Variants in STAB2 observed in about 807,000 individuals in gnomAD.
STAB2 encodes the protein stabilin 2.
A neutral mutation model predicts 338.1 loss-of-function variants in STAB2; 288 were observed. The observed-to-expected ratio is 0.85, with a 90% confidence interval of 0.77 to 0.94. STAB2 has a LOEUF of 0.94. STAB2 is among the 40% of genes least tolerant of loss of function. The pLI, the probability that STAB2 is intolerant of heterozygous loss-of-function variation, is 0.00. For missense variants in STAB2, 3,141 were observed against 3,210.1 expected (o/e 0.98, Z 0.52); for synonymous variants, 1,202 against 1,193.3 (o/e 1.01, Z -0.15).
intron 40 of STAB2, among the ~76,000 whole-genome samples, chr12:103,711,826 G>T (rs1158089259): frequency 1.3e-5 from 2 of 152,162 alleles, no homozygotes. Flanking sequence ...CATAAACCTT[G>T]TTCCTGACTC....
At chr12:103,657,330 T>C (rs111577087) in intron 15 of STAB2, among the ~76,000 whole-genome samples, 2,048 of 152,066 alleles carry the variant, frequency 0.013, 45 homozygotes, top group African/African-American at 0.047. Flanking sequence ...TTGATGCACA[T>C]TTTAATAATA....
chr12:103,676,150 C>T, intron 24 of STAB2, 129 bp downstream of exon 24: 1 of 568,886 alleles, frequency 1.8e-6, no homozygotes, highest in African/African-American at 2.0e-5. Flanking sequence ...CAACATCCGC[C>T]TCCCGGATTC....
At chr12:103,618,675 C>T (rs771154936) in intron 3 of STAB2, among the ~76,000 whole-genome samples, 1 of 152,202 alleles carries the variant, frequency 6.6e-6, no homozygotes. Flanking sequence ...CCCTTGCCAG[C>T]TGGGTGACTT....
intron 14 of STAB2, 26 bp from the exon 15 acceptor site, chr12:103,655,430 T>C: frequency 6.2e-7 from 1 of 1,613,080 alleles, no homozygotes; most frequent in Non-Finnish European, 8.5e-7. Context: ...AGGCTGCAGA[T>C]ACAAAATTTC....
At position 103,745,170 on chromosome 12, in the gene STAB2, C is replaced by T. The variant is rs1397704713; in HGVS notation, c.6032-3C>T. On this transcript the variant is annotated splice_polypyrimidine_tract_variant and splice_region_variant and intron_variant, in intron 56 of 68. Transcript: ENST00000388887. Reference sequence around the variant, plus strand: ...GACTGACCATATCCTAATTTGTTTACAGCCTGTGGCTGCTCAGACCACGGA... The same window carrying T: ...GACTGACCATATCCTAATTTGTTTATAGCCTGTGGCTGCTCAGACCACGGA... 1.9e-6 allele frequency: 3 copies of T among 1,610,856 alleles called. No individual in the cohort carries two copies. Among genetic ancestry groups the T allele is most frequent in the South Asian group, 2.2e-5 (2 of 90,600 alleles).
intron 27 of STAB2, 53 bp downstream of exon 27, chr12:103,685,137 C>T (rs1877281044): frequency 1.3e-6 from 2 of 1,535,082 alleles, no homozygotes; most frequent in African/African-American, 1.4e-5. Flanking sequence ...TTAAAAACCT[C>T]TTAGCTAAGA....
rs1593206107 is a variant in STAB2 at position 103,668,865 on chromosome 12, G to A, written c.2172+136G>A. ...TTGTCTTCCTGCAGAGGAATCAAAG[G>A]TAGATTCTTCATATGGTGGCCAGAC... On this transcript the variant is annotated intron_variant, in intron 20 of 68. Transcript: ENST00000388887. The A allele has an allele frequency of 1.1e-5, 8 of 722,746 alleles. No homozygotes were observed. In the South Asian group the frequency reaches 1.2e-4, roughly 10 times the overall value. 44.8% of individuals were successfully genotyped at this position (722,746 alleles called of 1,614,324 possible).
At chr12:103,666,418 C>T (rs1875108887) in intron 19 of STAB2, 65 bp downstream of exon 19, 2 of 1,511,662 alleles carry the variant, frequency 1.3e-6, no homozygotes, top group Admixed American at 1.7e-5. Flanking sequence ...GGTTTCTCAA[C>T]CTATCTACCT....
At position 103,591,051 on chromosome 12, in the gene STAB2, G is replaced by A. The variant is rs527952882; in HGVS notation, c.215+21G>A. On this transcript the variant is annotated intron_variant, in intron 2 of 68. Coordinates refer to ENST00000388887, the MANE Select transcript of STAB2 (RefSeq NM_017564.10). ...TGCAGGTACTCATGAGAAAATAAACGTGATGGAACTATGAATCCAACTTGA... is the reference window on the plus strand; with the variant it reads ...TGCAGGTACTCATGAGAAAATAAACATGATGGAACTATGAATCCAACTTGA... The A allele has an allele frequency of 6.4e-5, 103 of 1,611,842 alleles. No homozygotes were observed. The Admixed American group carries it at 1.5e-3, about 23-fold the overall frequency.
At chr12:103,610,680 TA>T (rs2138596336) in intron 3 of STAB2, among the ~76,000 whole-genome samples, 3 of 152,340 alleles carry the variant, frequency 2.0e-5, no homozygotes, top group African/African-American at 7.2e-5. Flanking sequence ...TTTATGTCTC[TA>T]TCTCCCTCAG....
intron 26 of STAB2, among the ~76,000 whole-genome samples, 167 bp from the exon 27 acceptor site, chr12:103,684,822 G>T (rs1877246888): frequency 6.6e-6 from 1 of 152,206 alleles, no homozygotes; most frequent in Admixed American, 6.5e-5. Flanking sequence ...CAAACATGCA[G>T]ACAGGAGACT....
Position 103,711,507 on chromosome 12 carries a change from C to G in STAB2, c.4325C>G (p.Thr1442Ser). The G allele has an allele frequency of 6.2e-7, 1 of 1,614,124 alleles. No homozygotes were observed. The highest frequency in any genetic ancestry group is 8.5e-7 in the Non-Finnish European group (1 of 1,180,022). ...TEDNCNGTCH[T>S]SANCLTNSDG... is the part of the protein sequence containing the mutation. ...GACAACTGCAATGGGACATGCCATA[C>G]CAGCGCCAAGTAGGTAGCCCTGGGC... Residue 1442 changes from threonine (T) to serine (S), a missense_variant, in exon 40 of 69, where the codon ACC (threonine) becomes AGC (serine). Physicochemically the swap from Thr to Ser is moderately conservative, Grantham distance 58 (BLOSUM62 1). Coordinates refer to ENST00000388887, the MANE Select transcript of STAB2 (RefSeq NM_017564.10).
intron 3 of STAB2, among the ~76,000 whole-genome samples, chr12:103,608,188 G>C (rs1384020164): frequency 1.3e-5 from 2 of 152,208 alleles, no homozygotes; most frequent in Admixed American, 1.3e-4. Context: ...GCCCAGGCTG[G>C]AGTGCAGTGG....
At chr12:103,756,248 C>T (rs35585068) in intron 63 of STAB2, among the ~76,000 whole-genome samples, 31,048 of 152,094 alleles carry the variant, frequency 0.2, 3,531 homozygotes, top group Non-Finnish European at 0.25. Flanking sequence ...TCATATCCAG[C>T]GAAGAGAAAG....
At chr12:103,734,864 C>T (rs745937595) in intron 51 of STAB2, among the ~76,000 whole-genome samples, 1 of 152,154 alleles carries the variant, frequency 6.6e-6, no homozygotes, top group Non-Finnish European at 1.5e-5. Flanking sequence ...CTGGTGGCTT[C>T]TGGAAATCCT....
At chr12:103,609,821 G>A (rs1159571366) in intron 3 of STAB2, among the ~76,000 whole-genome samples, 1 of 152,004 alleles carries the variant, frequency 6.6e-6, no homozygotes, top group African/African-American at 2.4e-5. Flanking sequence ...ATTGGCTGTG[G>A]GTTTGTCATA....
chr12:103,685,001 T>A lies in STAB2; in HGVS notation c.2914T>A (p.Ser972Thr). Residue 972 changes from serine (S) to threonine (T), a missense_variant, in exon 27 of 69, where the codon TCT becomes ACT. Coordinates refer to ENST00000388887, the MANE Select transcript of STAB2 (RefSeq NM_017564.10). ...GKCHPLASCQ[S>T]TSSGVWSCVC... Reference sequence around the variant, plus strand: ...TTGGTTTTCTCAGGCAAGCTGTCAATCTACTTCGTCTGGTGTCTGGAGCTG... The same window carrying A: ...TTGGTTTTCTCAGGCAAGCTGTCAAACTACTTCGTCTGGTGTCTGGAGCTG... The A allele has an allele frequency of 6.2e-7, 1 of 1,613,928 alleles. No individual in the cohort carries two copies. Among genetic ancestry groups the A allele is most frequent in the Non-Finnish European group, 8.5e-7 (1 of 1,179,838 alleles).
chr12:103,606,952 C>G (rs1268762426), intron 3 of STAB2, among the ~76,000 whole-genome samples: 1 of 152,094 alleles, frequency 6.6e-6, no homozygotes, highest in East Asian at 1.9e-4. Flanking sequence ...CGACTGCACT[C>G]CAGCCTGGGC....
chr12:103,762,936 C>T (rs1884649407), intron 67 of STAB2, among the ~76,000 whole-genome samples: 1 of 152,310 alleles, frequency 6.6e-6, no homozygotes, highest in Non-Finnish European at 1.5e-5. Flanking sequence ...AGCAGCACAG[C>T]GGTTGAGCAT....
Sources: allele counts gnomAD v4.1 joint callset (sites outside exome capture counted in the v4.1 genomes callset), GRCh38; gene constraint gnomAD v4.1.1; transcripts MANE v1.5; gene names NCBI Gene and HGNC (gene_info 2026-07-23, HGNC 2026-07-21).